Variants in SNX5 observed in about 807,000 individuals in gnomAD.
The protein encoded by SNX5 is sorting nexin-5.
A neutral mutation model predicts 53.9 loss-of-function variants in SNX5; 31 were observed. The ratio of observed to expected loss-of-function variants is 0.58; its 90% CI spans 0.43 to 0.78. The LOEUF is 0.78. SNX5 is among the 30% of genes least tolerant of loss of function. The pLI, the probability that SNX5 is intolerant of heterozygous loss-of-function variation, is 0.00. For synonymous variants in SNX5, 168 were observed against 171.1 expected (o/e 0.98, Z 0.14); for missense variants, 471 against 478.8 (o/e 0.98, Z 0.15).
At chr20:17,949,180 G>A in intron 8 of SNX5, 77 bp from the exon 9 acceptor site, 1 of 1,245,394 alleles carries the variant, frequency 8.0e-7, no homozygotes, top group Non-Finnish European at 1.2e-6. Context: ...TGCAAGACAG[G>A]AATGGGTCAA....
intron 2 of SNX5, 90 bp from the exon 3 acceptor site, chr20:17,955,565 T>A (rs1431881710): frequency 2.7e-6 from 2 of 752,268 alleles, no homozygotes; most frequent in Non-Finnish European, 2.3e-6. Context: ...AAATTCTGCA[T>A]AATACATCAT....
chr20:17,956,107 C>A (rs2035351543), intron 2 of SNX5, among the ~76,000 whole-genome samples: 1 of 151,486 alleles, frequency 6.6e-6, no homozygotes, highest in African/African-American at 2.4e-5. Context: ...TCTGAATTTA[C>A]CCCCCACCCC....
At chr20:17,943,014 C>G (rs1600328820) in intron 12 of SNX5, 96 bp downstream of exon 12, 5 of 808,866 alleles carry the variant, frequency 6.2e-6, no homozygotes, top group Non-Finnish European at 8.5e-6. Context: ...TACCACAAGG[C>G]CACCCCAACT....
At chr20:17,952,909 G>C (rs1347440421) in intron 4 of SNX5, among the ~76,000 whole-genome samples, 199 bp from the exon 5 acceptor site, 4 of 152,204 alleles carry the variant, frequency 2.6e-5, no homozygotes, top group Non-Finnish European at 5.9e-5. Flanking sequence ...TAAGACTATG[G>C]AGGAAAGCAA....
At chr20:17,942,715 G>T (rs1315181968) in intron 12 of SNX5, 6 of 420,508 alleles carry the variant, frequency 1.4e-5, no homozygotes, top group Non-Finnish European at 2.1e-5. Context: ...GACACTATCA[G>T]TGCGTTGTTC....
chr20:17,961,684 G>A (rs2035452876), intron 1 of SNX5: 1 of 984,412 alleles, frequency 1.0e-6, no homozygotes, highest in Non-Finnish European at 1.2e-6. Flanking sequence ...ATGTACTTAA[G>A]CAGCACATGC....
chr20:17,966,501 G>T (rs12329512), intron 1 of SNX5, among the ~76,000 whole-genome samples: 2 of 151,986 alleles, frequency 1.3e-5, no homozygotes, highest in Admixed American at 6.5e-5. Context: ...CAACACCCTC[G>T]GCTAAAGAAT....
chr20:17,945,398 G>GT (rs1274209693), intron 11 of SNX5: 1 of 152,208 alleles, frequency 6.6e-6, no homozygotes, highest in Non-Finnish European at 1.5e-5. Flanking sequence ...ACAGAATACT[G>GT]TATTTTTAGA....
chr20:17,963,288 T>C (rs1204593117), intron 1 of SNX5, among the ~76,000 whole-genome samples: 1 of 151,896 alleles, frequency 6.6e-6, no homozygotes, highest in Non-Finnish European at 1.5e-5. Flanking sequence ...GAGACAAGCC[T>C]GGGCAACACA....
intron 6 of SNX5, among the ~76,000 whole-genome samples, chr20:17,950,671 A>G (rs2039554463): frequency 6.6e-6 from 1 of 152,196 alleles, no homozygotes; most frequent in South Asian, 2.1e-4. Context: ...ACGCTAGTAC[A>G]ATGGTTCTAC....
chr20:17,964,465 G>GGTAC (rs1431028382), intron 1 of SNX5, among the ~76,000 whole-genome samples: 2 of 152,146 alleles, frequency 1.3e-5, no homozygotes, highest in African/African-American at 4.8e-5. Context: ...CTCCTCCTGG[G>GGTAC]GTACTATGGT....
At chr20:17,968,257 C>T in intron 1 of SNX5, 118 bp downstream of exon 1, 1 of 885,566 alleles carries the variant, frequency 1.1e-6, no homozygotes, top group Non-Finnish European at 1.5e-6. Context: ...ACGGGTGCTT[C>T]CCGCGCTGGG....
intron 1 of SNX5, chr20:17,968,013 C>T (rs530940869): frequency 5.0e-6 from 2 of 398,370 alleles, no homozygotes; most frequent in South Asian, 2.6e-4. Flanking sequence ...TGGTCTGTCG[C>T]ATGTTAAGTC....
At chr20:17,949,932 T>C (rs933652910) in intron 8 of SNX5, among the ~76,000 whole-genome samples, 200 bp downstream of exon 8, 3 of 152,208 alleles carry the variant, frequency 2.0e-5, no homozygotes, top group African/African-American at 4.8e-5. Context: ...TGTTTACATA[T>C]AGAAGAGCCC....
rs16978610 is a variant in SNX5, at chr20:17,949,128, T to C, written c.792-25A>G. 4.9e-3 allele frequency: 7,934 copies of C among 1,605,814 alleles called. 338 individuals carry two copies. In the African/African-American group the frequency reaches 0.093, roughly 19 times the overall value. ...CCTGGAAATGTACATATAATTTTGGTTTAAGGTCTTAAATCATCTATAAAA... is the reference window on the plus strand; with the variant it reads ...CCTGGAAATGTACATATAATTTTGGCTTAAGGTCTTAAATCATCTATAAAA... On this transcript the variant is annotated intron_variant, in intron 8 of 12. Coordinates refer to ENST00000377759, the MANE Select transcript of SNX5 (RefSeq NM_014426.4).
Position 17,942,497 on chromosome 20 carries a change from C to T in SNX5, c.1165-90G>A, listed in dbSNP as rs988341536. On this transcript the variant is annotated intron_variant, in intron 12 of 12. Transcript: ENST00000377759. ...TCAAGTACACCAACACGGCTTTTCA[C>T]GGGAGGTTTAAAGTCAGCCAGAGCA... is the stretch of plus-strand genomic sequence containing the variant. 80 of 1,013,304 alleles carry T rather than the reference C, an allele frequency of 7.9e-5. 2 individuals are homozygous for T. The Middle Eastern group carries it at 8.2e-4, about 10-fold the overall frequency. The allele number at this position is 1,013,304 out of a possible 1,614,324, so 62.8% of individuals were successfully genotyped here. A position where few individuals can be genotyped will look rare whatever the true frequency, so the allele number is the denominator to read the frequency against.
chr20:17,962,435 C>T (rs1041282072), intron 1 of SNX5, among the ~76,000 whole-genome samples: 4 of 152,030 alleles, frequency 2.6e-5, no homozygotes, highest in African/African-American at 9.7e-5. Context: ...TAACTCCTGA[C>T]CTCGTGATCT....
intron 2 of SNX5, among the ~76,000 whole-genome samples, chr20:17,956,673 CAAAAAA>C (rs59252584): frequency 0.22 from 18,592 of 84,410 alleles, 1,472 homozygotes; most frequent in Middle Eastern, 0.26. Flanking sequence ...AGACTGTCTC[CAAAAAA>C]AAAAAAAAAA....
intron 1 of SNX5, among the ~76,000 whole-genome samples, chr20:17,964,965 C>A (rs1448408838): frequency 6.6e-6 from 1 of 152,222 alleles, no homozygotes; most frequent in Non-Finnish European, 1.5e-5. Flanking sequence ...TCTTTCACCA[C>A]CTTTTGTTAA....
Sources: gnomAD v4.1 joint callset for allele counts (sites outside exome capture counted in the v4.1 genomes callset) on GRCh38, gnomAD v4.1.1 for gene constraint, MANE v1.5 for transcripts, NCBI Gene and HGNC (gene_info 2026-07-23, HGNC 2026-07-21) for gene names.